Variants in ATP8B1 observed in about 807,000 individuals in gnomAD.
ATP8B1 encodes phospholipid-transporting ATPase IC.
ATP8B1 carries 80 observed loss-of-function variants against 149.9 expected under a neutral mutation model. The ratio of observed to expected loss-of-function variants is 0.53; its 90% CI spans 0.45 to 0.64. The LOEUF is 0.64. Ranked by LOEUF, ATP8B1 falls within the 30% of genes least tolerant of loss-of-function variation. The pLI is 0.00. For synonymous variants in ATP8B1, 536 were observed against 562.8 expected (o/e 0.95, Z 0.67); for missense variants, 1,247 against 1,552.6 (o/e 0.80, Z 3.31).
In ATP8B1 at chr18:57,678,729, AC is replaced by A. The variant is rs1252450770; in HGVS notation, c.1631-3708del. 7.8e-4 allele frequency among the ~76,000 whole-genome samples: 45 copies of A among 57,956 alleles called. 11 individuals are homozygous for A. Among genetic ancestry groups the A allele is most frequent in the African/African-American group, 2.2e-3 (45 of 20,594 alleles). 38.0% of individuals were successfully genotyped at this position (57,956 alleles called of 152,430 possible). On this transcript the variant is annotated intron_variant, in intron 15 of 27. Transcript: ENST00000648908. ...CTTTTGTCCTGGCTAACATGGTGAA[AC>A]CCTGTCTCTACTAAAAATACAAAAA...
At chr18:57,667,293 C>T (rs1275646293) in intron 19 of ATP8B1, 126 bp from the exon 20 acceptor site, 3 of 764,968 alleles carry the variant, frequency 3.9e-6, no homozygotes, top group Non-Finnish European at 6.6e-6. Flanking sequence ...TCTCTGCTCA[C>T]TACAGCCTCA....
rs181557764 is a variant in ATP8B1 at position 57,681,709 on chromosome 18, G to A, written c.1630+2327C>T. Reference sequence around the variant, plus strand: ...CCAGCTACTCAGGAGGCTGAGGCACGAGAATTGCTTGAACCTGGGAGGTGG... The same window carrying A: ...CCAGCTACTCAGGAGGCTGAGGCACAAGAATTGCTTGAACCTGGGAGGTGG... On this transcript the variant is annotated intron_variant, in intron 15 of 27. Transcript: ENST00000648908. Among the ~76,000 whole-genome samples the A allele has an allele frequency of 2.8e-3, 422 of 152,100 alleles. 6 individuals carry two copies. Among genetic ancestry groups the A allele is most frequent in the African/African-American group, 9.7e-3 (401 of 41,506 alleles).
intron 6 of ATP8B1, among the ~76,000 whole-genome samples, chr18:57,699,428 GGTT>G (rs917479103): frequency 2.6e-5 from 4 of 152,144 alleles, no homozygotes; most frequent in African/African-American, 7.2e-5. Context: ...TAGCAGAGGA[GGTT>G]GTTGTTGTTA....
intron 11 of ATP8B1, 58 bp from the exon 12 acceptor site, chr18:57,692,055 T>C (rs1325858550): frequency 6.4e-7 from 1 of 1,564,424 alleles, no homozygotes; most frequent in African/African-American, 1.4e-5. Context: ...CCTCTTGCAT[T>C]TCCTAGATGC....
chr18:57,665,891 G>A (rs1910825115), intron 20 of ATP8B1, among the ~76,000 whole-genome samples: 1 of 151,962 alleles, frequency 6.6e-6, no homozygotes, highest in African/African-American at 2.4e-5. Flanking sequence ...AAAGGGGCAT[G>A]GCTTATGTAC....
At chr18:57,697,746 G>A in intron 7 of ATP8B1, 49 bp downstream of exon 7, 1 of 1,612,740 alleles carries the variant, frequency 6.2e-7, no homozygotes, top group Non-Finnish European at 8.5e-7. Flanking sequence ...GCCGAGCACA[G>A]GGGCTGGGGG....
At position 57,647,269 on chromosome 18, in the gene ATP8B1, T is replaced by C. The variant is rs1257813229; in HGVS notation, c.*1219A>G. On this transcript the variant is annotated 3_prime_UTR_variant, in exon 28 of 28. Coordinates refer to ENST00000648908, the MANE Select transcript of ATP8B1 (RefSeq NM_001374385.1). ...TAGGGAATCAAATCATTTGGTACTA[T>C]GGGAAGCTGCTAAAATAATATTTGA... is the stretch of plus-strand genomic sequence containing the variant. 3 of 152,232 alleles carry C rather than the reference T, an allele frequency of 2.0e-5. No individual in the cohort carries two copies. Among genetic ancestry groups the C allele is most frequent in the African/African-American group, 4.8e-5 (2 of 41,470 alleles). 9.4% of individuals were successfully genotyped at this position (152,232 alleles called of 1,614,324 possible). A position where few individuals can be genotyped will look rare whatever the true frequency, so the allele number is the denominator to read the frequency against.
intron 1 of ATP8B1, among the ~76,000 whole-genome samples, chr18:57,780,797 G>C (rs1313657009): frequency 2.0e-5 from 3 of 152,144 alleles, no homozygotes; most frequent in Non-Finnish European, 4.4e-5. Flanking sequence ...GGAAGCTGTG[G>C]TTTCACCTTT....
chr18:57,662,705 C>A, intron 20 of ATP8B1, 90 bp from the exon 21 acceptor site: 2 of 1,425,638 alleles, frequency 1.4e-6, no homozygotes, highest in Admixed American at 4.1e-5. Context: ...AAAATTGTGA[C>A]AAAAAAACAA....
intron 1 of ATP8B1, among the ~76,000 whole-genome samples, chr18:57,733,693 G>C (rs202246366): frequency 9.2e-6 from 1 of 109,222 alleles, no homozygotes; most frequent in South Asian, 3.4e-4. Context: ...GCGACAGAGC[G>C]AGACTCCATC....
chr18:57,782,852 T>C (rs2123422924), intron 1 of ATP8B1, among the ~76,000 whole-genome samples: 1 of 141,828 alleles, frequency 7.1e-6, no homozygotes, highest in Admixed American at 7.7e-5. Context: ...TCACTCTTGT[T>C]GCCTAGGCTA....
At chr18:57,654,695 C>CA in intron 23 of ATP8B1, among the ~76,000 whole-genome samples, 1 of 131,460 alleles carries the variant, frequency 7.6e-6, no homozygotes, top group South Asian at 2.4e-4. Flanking sequence ...AAATCCCCTC[C>CA]TTTTTTTTTT....
In ATP8B1 at chr18:57,668,477, G is replaced by C. The variant is rs1187813720; in HGVS notation, c.2161C>G (p.Leu721Val). The part of the protein sequence containing the change: ...QDGVPETISK[L>V]AKADIKIWVL... ...CAGATCTTAATGTCAGCTTTTGCAA[G>C]TTTTGAAATGGTTTCTGGAACTCCA... Residue 721 changes from leucine to valine, a missense_variant, in exon 19 of 28, where the codon CTT becomes GTT. Transcript: ENST00000648908. 6.5e-7 allele frequency: 1 copy of C among 1,545,618 alleles called. No homozygotes were observed. The highest frequency in any genetic ancestry group is 2.6e-5 in the East Asian group (1 of 38,338).
chr18:57,725,060 A>G (rs1426284674), intron 2 of ATP8B1, among the ~76,000 whole-genome samples: 3 of 111,462 alleles, frequency 2.7e-5, no homozygotes, highest in Non-Finnish European at 5.5e-5. Flanking sequence ...ATGAGATCAC[A>G]TGGACACAGG....
At chr18:57,688,561 A>C (rs1208741616) in intron 12 of ATP8B1, 54 bp from the exon 13 acceptor site, 1 of 1,559,708 alleles carries the variant, frequency 6.4e-7, no homozygotes, top group East Asian at 2.2e-5. Flanking sequence ...AGTGGCAAGT[A>C]GTAGAGATTT....
intron 2 of ATP8B1, among the ~76,000 whole-genome samples, chr18:57,712,514 A>T (rs1297952493): frequency 6.6e-6 from 1 of 151,964 alleles, no homozygotes; most frequent in Non-Finnish European, 1.5e-5. Flanking sequence ...GAATTCTGGC[A>T]AACCTCGTCA....
At chr18:57,729,492 G>A (rs563872516) in intron 2 of ATP8B1, among the ~76,000 whole-genome samples, 4 of 151,052 alleles carry the variant, frequency 2.6e-5, no homozygotes, top group African/African-American at 9.7e-5. Flanking sequence ...GTCTGGACCT[G>A]TTATGACAGA....
At position 57,661,676 on chromosome 18, in the gene ATP8B1, T is replaced by C. The variant is rs317851; in HGVS notation, c.2419-214A>G. Among the ~76,000 whole-genome samples, 56,989 of 104,628 alleles carry C rather than the reference T, an allele frequency of 0.54. 15,148 individuals are homozygous for C. The highest frequency in any genetic ancestry group is 0.61 in the Non-Finnish European group (33,884 of 55,676). 68.6% of individuals were successfully genotyped at this position (104,628 alleles called of 152,430 possible). On this transcript the variant is annotated intron_variant, in intron 21 of 27. Coordinates refer to ENST00000648908, the MANE Select transcript of ATP8B1 (RefSeq NM_001374385.1). ...ACATATATGTATGTGTGTATGTATA[T>C]ACACACACACACACACACACATATA...
At chr18:57,651,910 A>C in intron 26 of ATP8B1, 124 bp downstream of exon 26, 1 of 1,234,276 alleles carries the variant, frequency 8.1e-7, no homozygotes, top group Non-Finnish European at 1.2e-6. Context: ...CTGGGATTAC[A>C]GGTGTGAGCC....
Sources: allele counts gnomAD v4.1 joint callset (sites outside exome capture counted in the v4.1 genomes callset), GRCh38; gene constraint gnomAD v4.1.1; transcripts MANE v1.5; gene names NCBI Gene and HGNC (gene_info 2026-07-23, HGNC 2026-07-21).